Variants in MRPS22 observed in about 807,000 individuals in gnomAD.
The protein encoded by MRPS22 is mitochondrial ribosomal protein S22.
In MRPS22, 30 loss-of-function variants were observed where a neutral mutation model predicts 44.0. The observed-to-expected ratio is 0.68, with a 90% CI of 0.51 to 0.93. The LOEUF (loss-of-function observed/expected upper bound fraction) is 0.93. MRPS22 is among the 40% of genes least tolerant of loss of function. MRPS22 has a pLI of 0.00. For synonymous variants in MRPS22, 165 were observed against 154.4 expected, an observed-to-expected ratio of 1.07 and a Z score of -0.51; for missense variants, 447 against 447.8, an observed-to-expected ratio of 1.00 and a Z score of 0.02.
At chr3:139,347,422 C>T (rs138275009) in intron 2 of MRPS22, among the ~76,000 whole-genome samples, 69 of 152,248 alleles carry the variant, frequency 4.5e-4, no homozygotes, top group African/African-American at 1.6e-3. Flanking sequence ...GCATGTTTTC[C>T]AGGCACCAGT....
intron 6 of MRPS22, 104 bp from the exon 7 acceptor site, chr3:139,355,578 G>A (rs1482635095): frequency 3.2e-6 from 3 of 930,134 alleles, no homozygotes; most frequent in Non-Finnish European, 5.2e-6. Flanking sequence ...CCAGCCTGAG[G>A]AAAGTCTGAA....
At chr3:139,352,414 A>T (rs1424156862) in intron 5 of MRPS22, 1 of 459,512 alleles carries the variant, frequency 2.2e-6, no homozygotes, top group Admixed American at 3.4e-5. Context: ...GATTATAGGC[A>T]TGAGCCACTG....
intron 4 of MRPS22, chr3:139,350,654 C>T (rs888835609): frequency 2.3e-5 from 9 of 383,098 alleles, no homozygotes; most frequent in African/African-American, 2.3e-4. Flanking sequence ...TCTTGAACTC[C>T]TGACCTCGGG....
At position 139,348,348 on chromosome 3, in the gene MRPS22, A is replaced by T. The variant is rs375581763; in HGVS notation, c.504+24A>T. On this transcript the variant is annotated intron_variant, in intron 3 of 7. Transcript: ENST00000680020. ...GGGTGAGTATATGTCTAATCGCAAAATGATCTTTCTTTGAAATACTATGTG... is the reference window on the plus strand; with the variant it reads ...GGGTGAGTATATGTCTAATCGCAAATTGATCTTTCTTTGAAATACTATGTG... The T allele has an allele frequency of 5.0e-6, 8 of 1,609,950 alleles. No homozygotes were observed. The African/African-American group carries it at 8.0e-5, about 16-fold the overall frequency.
At chr3:139,346,405 A>G (rs899329086) in intron 1 of MRPS22, among the ~76,000 whole-genome samples, 5 of 152,134 alleles carry the variant, frequency 3.3e-5, no homozygotes, top group Non-Finnish European at 7.3e-5. Flanking sequence ...TAAATTGGAA[A>G]CCATCTAGGA....
At chr3:139,346,642 T>C (rs780539916) in intron 1 of MRPS22, among the ~76,000 whole-genome samples, 9 of 152,256 alleles carry the variant, frequency 5.9e-5, no homozygotes, top group East Asian at 1.9e-4. Context: ...TTATTACTGT[T>C]ACTTCCTCTA....
chr3:139,356,128 G>A (rs1232868884), intron 7 of MRPS22, among the ~76,000 whole-genome samples: 1 of 152,204 alleles, frequency 6.6e-6, no homozygotes, highest in African/African-American at 2.4e-5. Context: ...ACAGGACAGG[G>A]TAGAGGACTA....
At chr3:139,352,541 C>G in intron 5 of MRPS22, 106 bp from the exon 6 acceptor site, 1 of 983,434 alleles carries the variant, frequency 1.0e-6, no homozygotes. Flanking sequence ...GTAAGTAGAC[C>G]TGGTTTTACT....
intron 6 of MRPS22, 39 bp downstream of exon 6, chr3:139,352,831 T>C (rs750657539): frequency 6.3e-7 from 1 of 1,595,518 alleles, no homozygotes; most frequent in Non-Finnish European, 8.6e-7. Flanking sequence ...TCATTCTTAT[T>C]GCTCTAACAG....
intron 3 of MRPS22, chr3:139,348,533 G>A: frequency 3.4e-6 from 2 of 581,596 alleles, no homozygotes; most frequent in South Asian, 1.9e-5. Context: ...GCAGATAATA[G>A]GCACAGTATT....
chr3:139,345,730 C>A (rs1196632061), intron 1 of MRPS22, among the ~76,000 whole-genome samples: 1 of 152,050 alleles, frequency 6.6e-6, no homozygotes, highest in African/African-American at 2.4e-5. Context: ...CTGGATGATG[C>A]TGAGATAGGG....
In MRPS22 at chr3:139,350,315, A is replaced by G. The variant is rs1941121712; in HGVS notation, c.641A>G (p.Asn214Ser). 2 of 1,614,072 alleles carry G rather than the reference A, an allele frequency of 1.2e-6. No individual in the cohort carries two copies. The highest frequency in any genetic ancestry group is 8.5e-7 in the Non-Finnish European group (1 of 1,180,008). Reference protein sequence around the residue: ...ILTPIIFKEENLRTMYSQDRH... With the variant: ...ILTPIIFKEESLRTMYSQDRH... ...ACACCAATAATTTTCAAGGAAGAAA[A>G]TCTTAGGGTAAGGTGACTTAGGTTT... Residue 214 changes from asparagine to serine, a missense_variant, in exon 4 of 8, where the codon AAT becomes AGT. Transcript: ENST00000680020.
intron 7 of MRPS22, among the ~76,000 whole-genome samples, chr3:139,356,661 T>A (rs1348151027): frequency 1.3e-5 from 2 of 152,244 alleles, no homozygotes; most frequent in Non-Finnish European, 2.9e-5. Context: ...AGTATTAATA[T>A]TAATACAATG....
At chr3:139,350,445 G>A (rs1448874969) in intron 4 of MRPS22, 123 bp downstream of exon 4, 1 of 1,008,178 alleles carries the variant, frequency 9.9e-7, no homozygotes, top group Admixed American at 2.3e-5. Flanking sequence ...TTTTTTTTTT[G>A]AAATGGAGTT....
chr3:139,349,222 TGAAAAG>T (rs1941102705), intron 3 of MRPS22: 6 of 421,518 alleles, frequency 1.4e-5, no homozygotes, highest in Non-Finnish European at 2.3e-5. Context: ...TTTTGTAACT[TGAAAAG>T]GAGAAAGGAA....
At position 139,357,123 on chromosome 3, in the gene MRPS22, C is replaced by T; in HGVS notation, c.*109C>T. 3 of 937,308 alleles carry T rather than the reference C, an allele frequency of 3.2e-6. No individual in the cohort carries two copies. The highest frequency in any genetic ancestry group is 2.7e-5 in the East Asian group (1 of 37,600). 58.1% of individuals were successfully genotyped at this position (937,308 alleles called of 1,614,324 possible). A position where few individuals can be genotyped will look rare whatever the true frequency, so the allele number is the denominator to read the frequency against. ...GATTAAAAGATATCAATTTGTAGTT[C>T]TCCCTACAAAGCAAAAATTATTACC... On this transcript the variant is annotated 3_prime_UTR_variant, in exon 8 of 8. Coordinates refer to ENST00000680020, the MANE Select transcript of MRPS22 (RefSeq NM_020191.4).
chr3:139,350,600 G>GT (rs1442129084), intron 4 of MRPS22: 14 of 432,694 alleles, frequency 3.2e-5, no homozygotes, highest in Non-Finnish European at 5.1e-5. Context: ...GCTAATTTTT[G>GT]TATTTTTAGT....
In MRPS22 at chr3:139,357,072, T is replaced by G; in HGVS notation, c.*58T>G. On this transcript the variant is annotated 3_prime_UTR_variant, in exon 8 of 8. Coordinates refer to ENST00000680020, the MANE Select transcript of MRPS22 (RefSeq NM_020191.4). ...TACTGACTACATTTCTCTGTTAATA[T>G]TGAGCTAAATGTTAAAAAATGGCCA... The G allele has an allele frequency of 7.3e-7, 1 of 1,365,768 alleles. No homozygotes were observed. Among genetic ancestry groups the G allele is most frequent in the Admixed American group, 1.8e-5 (1 of 55,906 alleles). 84.6% of individuals were successfully genotyped at this position (1,365,768 alleles called of 1,614,324 possible).
chr3:139,346,869 C>T lies in MRPS22; in HGVS notation c.173-9C>T. 6.2e-7 allele frequency: 1 copy of T among 1,613,968 alleles called. No individual in the cohort carries two copies. Among genetic ancestry groups the T allele is most frequent in the Non-Finnish European group, 8.5e-7 (1 of 1,179,912 alleles). ...TTGTCAGCTTCTTATTTACTAAAGT[C>T]CATTTTAGCAGAATCTGGTAGCCCA... On this transcript the variant is annotated splice_polypyrimidine_tract_variant and intron_variant, in intron 1 of 7. Transcript: ENST00000680020.
Sources: gnomAD v4.1 joint callset for allele counts (sites outside exome capture counted in the v4.1 genomes callset) on GRCh38, gnomAD v4.1.1 for gene constraint, MANE v1.5 for transcripts, NCBI Gene and HGNC (gene_info 2026-07-23, HGNC 2026-07-21) for gene names.